The following FOXP2 variants were observed in gnomAD, a reference collection of about 807,000 sequenced individuals.
FOXP2 encodes the protein forkhead box protein P2.
Under a neutral mutation model 115.8 loss-of-function variants are expected in FOXP2, and 12 were observed. That is an observed-to-expected ratio of 0.10 (90% CI 0.07 to 0.17). FOXP2 has a LOEUF of 0.17. Among genes scored for constraint, FOXP2 ranks in the 10% least tolerant of loss-of-function variants. FOXP2 has a pLI of 1.00. For synonymous variants in FOXP2, 328 were observed against 297.7 expected (o/e 1.10, Z -1.05); for missense variants, 629 against 843.5 (o/e 0.75, Z 3.15).
chr7:114,308,919 G>A (rs1185678363), intron 2 of FOXP2, among the ~76,000 whole-genome samples: 1 of 152,184 alleles, frequency 6.6e-6, no homozygotes, highest in Non-Finnish European at 1.5e-5. Flanking sequence ...GGAGACAAAA[G>A]ACCGATATAG....
chr7:114,244,651 TTTTA>T (rs1313892664), intron 1 of FOXP2, among the ~76,000 whole-genome samples: 3 of 152,326 alleles, frequency 2.0e-5, no homozygotes, highest in South Asian at 2.1e-4. Flanking sequence ...TATCAATTGG[TTTTA>T]TTTATTCTTA....
intron 2 of FOXP2, among the ~76,000 whole-genome samples, chr7:114,312,827 C>T (rs565109393): frequency 1.1e-4 from 16 of 152,242 alleles, no homozygotes; most frequent in Middle Eastern, 3.4e-3. Context: ...TTTGTCTTGG[C>T]GGGAAACATT....
intron 2 of FOXP2, among the ~76,000 whole-genome samples, chr7:114,371,247 A>ATATT (rs1554378165): frequency 7.1e-6 from 1 of 141,072 alleles, no homozygotes; most frequent in Non-Finnish European, 1.5e-5. Flanking sequence ...TGTCCAGCTA[A>ATATT]TTTTTTTTTT....
At chr7:114,491,450 G>A (rs1179111004) in intron 2 of FOXP2, among the ~76,000 whole-genome samples, 1 of 151,828 alleles carries the variant, frequency 6.6e-6, no homozygotes, top group African/African-American at 2.4e-5. Context: ...CTCCCATTCT[G>A]TAGGTTGCCT....
chr7:114,381,026 T>A (rs1792277623), intron 2 of FOXP2, among the ~76,000 whole-genome samples: 1 of 152,242 alleles, frequency 6.6e-6, no homozygotes, highest in Admixed American at 6.5e-5. Flanking sequence ...AAGCCACTTC[T>A]GCTTCAGGTG....
At chr7:114,432,853 G>A (rs1794175985) in intron 2 of FOXP2, among the ~76,000 whole-genome samples, 1 of 151,914 alleles carries the variant, frequency 6.6e-6, no homozygotes, top group Non-Finnish European at 1.5e-5. Context: ...GATGTGCGTT[G>A]TCTTCCCTAG....
At chr7:114,415,829 G>A (rs1793316005) in intron 1 of FOXP2, among the ~76,000 whole-genome samples, 1 of 151,778 alleles carries the variant, frequency 6.6e-6, no homozygotes, top group African/African-American at 2.4e-5. Flanking sequence ...TGTGCTAAAG[G>A]GGAAACTCTT....
chr7:114,546,958 C>T lies in FOXP2; in HGVS notation c.258+12252C>T, dbSNP rs78427973. Among the ~76,000 whole-genome samples the T allele has an allele frequency of 7.0e-3, 1,071 of 152,228 alleles. 12 individuals are homozygous for T. The highest frequency in any genetic ancestry group is 0.025 in the African/African-American group (1,029 of 41,542). On this transcript the variant is annotated intron_variant, in intron 3 of 16. Coordinates refer to ENST00000350908, the MANE Select transcript of FOXP2 (RefSeq NM_014491.4). ...TTTGTAAACTGTATTGCTCCTTCTC[C>T]GTCCTATAAGACTACAGTATCACTT... is the stretch of plus-strand genomic sequence containing the variant.
chr7:114,359,943 G>C (rs184326575), intron 2 of FOXP2, among the ~76,000 whole-genome samples: 1 of 152,108 alleles, frequency 6.6e-6, no homozygotes. Flanking sequence ...CAGCATGATT[G>C]GTTTTGAAAT....
chr7:114,131,374 TC>T (rs1791870802), intron 1 of FOXP2, among the ~76,000 whole-genome samples: 1 of 152,164 alleles, frequency 6.6e-6, no homozygotes, highest in Non-Finnish European at 1.5e-5. Context: ...AAATGGAAAT[TC>T]TTTGTAACTT....
Position 114,553,916 on chromosome 7 carries a change from T to C in FOXP2, c.258+19210T>C, listed in dbSNP as rs527357613. Among the ~76,000 whole-genome samples, 39 of 152,282 alleles carry C rather than the reference T, an allele frequency of 2.6e-4. 1 individual carries two copies. The highest frequency in any genetic ancestry group is 9.1e-4 in the African/African-American group (38 of 41,588). On this transcript the variant is annotated intron_variant, in intron 3 of 16. Transcript: ENST00000350908. ...CTCTGTTCTTCATTAATGGATTTGC[T>C]ATTGATCATCTGATTGCATTCCTTA...
At chr7:114,568,364 T>G (rs1801123893) in intron 3 of FOXP2, among the ~76,000 whole-genome samples, 1 of 151,638 alleles carries the variant, frequency 6.6e-6, no homozygotes, top group Non-Finnish European at 1.5e-5. Flanking sequence ...GAGTATATAC[T>G]GTGTACCAAT....
chr7:114,608,763 A>G lies in FOXP2; in HGVS notation c.259-19777A>G, dbSNP rs543719082. The stretch of plus-strand genomic sequence containing the variant: ...TGTCTCCTTTTGCAAGAGCATCTGT[A>G]TGAAACATAAAAACAACAACAAAAG... On this transcript the variant is annotated intron_variant, in intron 3 of 16. Transcript: ENST00000350908. Among the ~76,000 whole-genome samples the G allele has an allele frequency of 1.1e-4, 16 of 152,224 alleles. No homozygotes were observed. The East Asian group carries it at 1.9e-3, about 18-fold the overall frequency.
rs1428510045 is a variant in FOXP2 at position 114,187,931 on chromosome 7, A to G, written c.-102+24843A>G. On this transcript the variant is annotated intron_variant, in intron 1 of 17. Transcript: ENST00000634411. ...AGGGGGCTAAACTCACCCTTTTTTA[A>G]TAGTATCAGTCCCACCCATGAAAGC... is the stretch of plus-strand genomic sequence containing the variant. Among the ~76,000 whole-genome samples, 3 of 152,120 alleles carry G rather than the reference A, an allele frequency of 2.0e-5. No homozygotes were observed. The East Asian group carries it at 5.8e-4, about 29-fold the overall frequency.
intron 2 of FOXP2, among the ~76,000 whole-genome samples, chr7:114,400,687 A>G (rs1792865557): frequency 6.6e-6 from 1 of 152,152 alleles, no homozygotes; most frequent in African/African-American, 2.4e-5. Flanking sequence ...GAAGGAGCAC[A>G]CAACCTAGAT....
upstream of FOXP2, among the ~76,000 whole-genome samples, chr7:114,158,295 C>T (rs770720660): frequency 3.2e-4 from 49 of 151,956 alleles, no homozygotes; most frequent in Non-Finnish European, 5.6e-4. Context: ...ATTTAACCCT[C>T]GTGTTAAAAA....
intron 2 of FOXP2, among the ~76,000 whole-genome samples, chr7:114,379,641 C>A (rs9641516): frequency 3.3e-5 from 5 of 151,832 alleles, no homozygotes; most frequent in South Asian, 2.1e-4. Flanking sequence ...TTTGAAAAAC[C>A]ATTTGTAGTT....
chr7:114,261,671 A>T (rs1472746116), intron 1 of FOXP2, among the ~76,000 whole-genome samples: 1 of 152,166 alleles, frequency 6.6e-6, no homozygotes, highest in Non-Finnish European at 1.5e-5. Context: ...CATTCTGTGG[A>T]CTGCATGCAA....
intron 3 of FOXP2, among the ~76,000 whole-genome samples, chr7:114,579,145 CAA>C (rs1801715562): frequency 6.6e-6 from 1 of 152,024 alleles, no homozygotes; most frequent in African/African-American, 2.4e-5. Context: ...TATGTATTAA[CAA>C]TTAAAAATAA....
Sources: gnomAD v4.1 joint callset for allele counts (sites outside exome capture counted in the v4.1 genomes callset) on GRCh38, gnomAD v4.1.1 for gene constraint, MANE v1.5 for transcripts, NCBI Gene and HGNC (gene_info 2026-07-23, HGNC 2026-07-21) for gene names.